Variants in RBFOX1 observed in about 807,000 individuals in gnomAD.
RBFOX1 encodes the protein RNA binding fox-1 homolog 1.
In RBFOX1, 8 loss-of-function variants were observed where a neutral mutation model predicts 57.7. The observed-to-expected ratio is 0.14, with a 90% CI of 0.08 to 0.25. The LOEUF is 0.25. Among genes scored for constraint, RBFOX1 ranks in the 10% least tolerant of loss-of-function variants. RBFOX1 has a pLI of 1.00. For synonymous variants in RBFOX1, 326 were observed against 222.4 expected, an observed-to-expected ratio of 1.47 and a Z score of -4.15; for missense variants, 611 against 548.5, an observed-to-expected ratio of 1.11 and a Z score of -1.14.
chr16:7,097,614 C>G (rs186172154), intron 4 of RBFOX1, among the ~76,000 whole-genome samples: 1 of 152,168 alleles, frequency 6.6e-6, no homozygotes, highest in East Asian at 1.9e-4. Flanking sequence ...GCTGTTGCCA[C>G]TCATAATATG....
intron 4 of RBFOX1, among the ~76,000 whole-genome samples, chr16:7,150,511 G>C (rs887729808): frequency 6.6e-6 from 1 of 152,118 alleles, no homozygotes; most frequent in African/African-American, 2.4e-5. Flanking sequence ...CATAAATGAT[G>C]ACACCATGAA....
intron 1 of RBFOX1, among the ~76,000 whole-genome samples, chr16:5,352,047 C>G (rs1434314381): frequency 6.6e-6 from 1 of 152,180 alleles, no homozygotes; most frequent in African/African-American, 2.4e-5. Context: ...CTCAGGTGAT[C>G]CACCCGCCTC....
chr16:6,171,157 T>G (rs947689262), intron 1 of RBFOX1, among the ~76,000 whole-genome samples: 1 of 152,202 alleles, frequency 6.6e-6, no homozygotes, highest in Non-Finnish European at 1.5e-5. Flanking sequence ...GTAGAGCTTG[T>G]CAGGATCTCT....
At chr16:7,480,078 G>C (rs2063573990) in intron 4 of RBFOX1, among the ~76,000 whole-genome samples, 1 of 152,138 alleles carries the variant, frequency 6.6e-6, no homozygotes, top group South Asian at 2.1e-4. Context: ...TGGTCTATGT[G>C]AGCTGTTGAT....
chr16:5,311,149 A>G (rs1347336315), intron 1 of RBFOX1, among the ~76,000 whole-genome samples: 2 of 152,152 alleles, frequency 1.3e-5, no homozygotes, highest in Non-Finnish European at 2.9e-5. Flanking sequence ...GCTCCATCCA[A>G]GTTGCTGCAA....
At chr16:7,208,127 T>G (rs934315767) in intron 4 of RBFOX1, among the ~76,000 whole-genome samples, 1 of 152,202 alleles carries the variant, frequency 6.6e-6, no homozygotes, top group Non-Finnish European at 1.5e-5. Context: ...GATGGCTGTT[T>G]ATGTATCCCT....
At chr16:5,518,765 G>A (rs1597377058) in intron 2 of RBFOX1, among the ~76,000 whole-genome samples, 3 of 152,250 alleles carry the variant, frequency 2.0e-5, no homozygotes, top group South Asian at 2.1e-4. Context: ...AGGCACAAAC[G>A]TATTATAAGG....
chr16:5,613,042 G>A (rs923380998), intron 3 of RBFOX1, among the ~76,000 whole-genome samples: 1 of 152,188 alleles, frequency 6.6e-6, no homozygotes, highest in African/African-American at 2.4e-5. Flanking sequence ...CCATGAGAAT[G>A]GGACTAAGGC....
At chr16:5,412,771 G>T (rs534819277) in intron 1 of RBFOX1, among the ~76,000 whole-genome samples, 1 of 152,346 alleles carries the variant, frequency 6.6e-6, no homozygotes, top group East Asian at 1.9e-4. Flanking sequence ...AGGCTAATCA[G>T]CCCGCCCTAG....
Position 6,175,068 on chromosome 16 carries a change from A to C in RBFOX1, c.-126-141927A>C, listed in dbSNP as rs557249805. On this transcript the variant is annotated intron_variant, in intron 1 of 15. Transcript: ENST00000550418. ...TACGTATCTCCCAGAGTTGTTATAA[A>C]GATAAAATGAGTTATCACAGTGTAA... is the stretch of plus-strand genomic sequence containing the variant. Among the ~76,000 whole-genome samples, 3 of 152,326 alleles carry C rather than the reference A, an allele frequency of 2.0e-5. No homozygotes were observed. In the East Asian group the frequency reaches 5.8e-4, roughly 29 times the overall value.
chr16:6,439,469 G>A (rs55665914), intron 2 of RBFOX1, among the ~76,000 whole-genome samples: 1 of 152,140 alleles, frequency 6.6e-6, no homozygotes, highest in Non-Finnish European at 1.5e-5. Flanking sequence ...TGATGGGATT[G>A]TCGAGGAATG....
chr16:6,818,165 A>C, intron 3 of RBFOX1, among the ~76,000 whole-genome samples: 1 of 152,070 alleles, frequency 6.6e-6, no homozygotes, highest in Non-Finnish European at 1.5e-5. Context: ...TACCAGGCAT[A>C]TGGCTTCCTG....
At chr16:5,387,308 C>T (rs1249232585) in intron 1 of RBFOX1, among the ~76,000 whole-genome samples, 4 of 152,142 alleles carry the variant, frequency 2.6e-5, no homozygotes, top group Non-Finnish European at 5.9e-5. Flanking sequence ...TCTTCCACCC[C>T]CACCTGTAGA....
intron 4 of RBFOX1, among the ~76,000 whole-genome samples, chr16:5,943,751 G>C (rs1441545261): frequency 2.0e-5 from 3 of 152,136 alleles, no homozygotes; most frequent in Non-Finnish European, 4.4e-5. Context: ...AGTAGTGCCT[G>C]AACAAGGTCC....
intron 1 of RBFOX1, among the ~76,000 whole-genome samples, chr16:6,030,422 T>A (rs974848): frequency 2.0e-5 from 3 of 152,072 alleles, no homozygotes; most frequent in Non-Finnish European, 4.4e-5. Flanking sequence ...CAGTAGTAAA[T>A]AGAATTTGAT....
At position 6,795,344 on chromosome 16, in the gene RBFOX1, C is replaced by G. The variant is rs536141371; in HGVS notation, c.-16+140694C>G. Among the ~76,000 whole-genome samples, 5 of 152,154 alleles carry G rather than the reference C, an allele frequency of 3.3e-5. No individual in the cohort carries two copies. In the South Asian group the frequency reaches 1.0e-3, roughly 32 times the overall value. On this transcript the variant is annotated intron_variant, in intron 3 of 15. Coordinates refer to ENST00000550418, the MANE Select transcript of RBFOX1 (RefSeq NM_018723.4). The stretch of plus-strand genomic sequence containing the variant: ...CACTGGTTTCAGGGCTGCTGATGTG[C>G]TATTGCATTTCACCCGAGTCCACAA...
intron 3 of RBFOX1, among the ~76,000 whole-genome samples, chr16:5,711,464 G>C (rs2051484893): frequency 6.6e-6 from 1 of 152,152 alleles, no homozygotes; most frequent in Non-Finnish European, 1.5e-5. Flanking sequence ...TCTCTGTCTG[G>C]GGTTTGGACA....
At chr16:6,463,615 G>C (rs117960884) in intron 2 of RBFOX1, among the ~76,000 whole-genome samples, 2,910 of 152,242 alleles carry the variant, frequency 0.019, 49 homozygotes, top group Middle Eastern at 0.065. Flanking sequence ...ACCAAGGGTT[G>C]CTCTAAGCTT....
At chr16:5,955,346 TA>T (rs869139079) in intron 4 of RBFOX1, among the ~76,000 whole-genome samples, 715 of 24,544 alleles carry the variant, frequency 0.029, 8 homozygotes, top group Middle Eastern at 0.06. Context: ...TAAAATAAAA[TA>T]AAATAAATAA....
Sources: gnomAD v4.1 joint callset for allele counts (sites outside exome capture counted in the v4.1 genomes callset) on GRCh38, gnomAD v4.1.1 for gene constraint, MANE v1.5 for transcripts, NCBI Gene and HGNC (gene_info 2026-07-23, HGNC 2026-07-21) for gene names.